The following SPECC1 variants were observed in gnomAD, a reference collection of about 807,000 sequenced individuals.
SPECC1 encodes sperm antigen with calponin homology and coiled-coil domains 1.
In SPECC1, 62 loss-of-function variants were observed where a neutral mutation model predicts 104.1. The observed-to-expected ratio is 0.60, with a 90% CI of 0.49 to 0.74. The LOEUF is 0.74. Among genes scored for constraint, SPECC1 ranks in the 30% least tolerant of loss-of-function variants. The pLI is 0.00. For missense variants in SPECC1, 1,306 were observed against 1,310.5 expected, an observed-to-expected ratio of 1.00 and a Z score of 0.05; for synonymous variants, 513 against 501.6, an observed-to-expected ratio of 1.02 and a Z score of -0.30.
intron 13 of SPECC1, 60 bp downstream of exon 13, chr17:20,297,137 A>G: frequency 2.7e-6 from 4 of 1,457,270 alleles, no homozygotes; most frequent in Non-Finnish European, 3.8e-6. Context: ...CCTAATTGAT[A>G]AACCCCACTG....
chr17:20,055,906 C>T (rs2045945884), intron 1 of SPECC1, among the ~76,000 whole-genome samples: 2 of 152,236 alleles, frequency 1.3e-5, no homozygotes, highest in African/African-American at 4.8e-5. Context: ...CTGGAGCATG[C>T]ACCTTGGGAA....
intron 4 of SPECC1, among the ~76,000 whole-genome samples, chr17:20,216,962 A>G (rs937344520): frequency 2.6e-5 from 4 of 151,924 alleles, no homozygotes; most frequent in African/African-American, 9.7e-5. Flanking sequence ...AGTTCAGCCT[A>G]AGCAACATAG....
chr17:20,107,450 CTTTTCTT>C (rs1186993317), intron 2 of SPECC1, among the ~76,000 whole-genome samples: 6 of 146,758 alleles, frequency 4.1e-5, no homozygotes, highest in East Asian at 2.0e-4. Context: ...CTCTTCTTTT[CTTTTCTT>C]TTTTCTTTTT....
chr17:20,163,746 A>G (rs2033388759), intron 3 of SPECC1, among the ~76,000 whole-genome samples: 1 of 152,036 alleles, frequency 6.6e-6, no homozygotes, highest in East Asian at 1.9e-4. Context: ...TTTTTTATAG[A>G]GACGGGGTCT....
chr17:20,273,881 G>GT (rs1598121828), intron 12 of SPECC1, among the ~76,000 whole-genome samples: 1 of 151,998 alleles, frequency 6.6e-6, no homozygotes, highest in East Asian at 1.9e-4. Flanking sequence ...CTTTTTCCTT[G>GT]TCTGTTAATG....
chr17:20,161,829 C>G (rs2033183111), intron 3 of SPECC1, among the ~76,000 whole-genome samples: 2 of 140,700 alleles, frequency 1.4e-5, no homozygotes, highest in South Asian at 4.4e-4. Context: ...GAGTCTCATT[C>G]TGTTGCCTAG....
At chr17:20,286,928 G>A (rs2040968140) in intron 12 of SPECC1, among the ~76,000 whole-genome samples, 1 of 152,196 alleles carries the variant, frequency 6.6e-6, no homozygotes, top group Non-Finnish European at 1.5e-5. Context: ...CAGGGCCCAG[G>A]CTGCAGGAGC....
At chr17:20,227,846 C>T (rs2038322060) in intron 5 of SPECC1, among the ~76,000 whole-genome samples, 1 of 152,048 alleles carries the variant, frequency 6.6e-6, no homozygotes, top group Non-Finnish European at 1.5e-5. Context: ...ACGCAGGAGG[C>T]GGAGGTTGCA....
Position 20,260,294 on chromosome 17 carries a change from G to T in SPECC1, c.2940G>T (p.Ala980=). The T allele has an allele frequency of 1.2e-6, 2 of 1,613,326 alleles. No homozygotes were observed. The highest frequency in any genetic ancestry group is 1.1e-5 in the South Asian group (1 of 90,984). Reference sequence around the variant, plus strand: ...GCCAGAAGAAGACACAAGGTTATGCGGTAAGGGACAACATCAGCCAACTTC... The same window carrying T: ...GCCAGAAGAAGACACAAGGTTATGCTGTAAGGGACAACATCAGCCAACTTC... The part of the protein sequence containing the change: ...KWCQKKTQGY[A]NIDITNFSSS... Residue 980 remains alanine (A), a splice_region_variant and synonymous_variant, in exon 12 of 15, where the codon GCG becomes GCT. Transcript: ENST00000395527.
Position 20,314,268 on chromosome 17 carries a change from C to CTGT in SPECC1, c.*204_*206dup. 1.7e-6 allele frequency: 1 copy of CTGT among 595,420 alleles called. No homozygotes were observed. Among genetic ancestry groups the CTGT allele is most frequent in the South Asian group, 1.9e-5 (1 of 52,692 alleles). The allele number at this position is 595,420 out of a possible 1,614,324, so 36.9% of individuals were successfully genotyped here. Reference sequence around the variant, plus strand: ...TGTCTGAAATGCAAATGCAGCTGGACTGTAAATTGGGGACTCTTTGATCTC... The same window carrying CTGT: ...TGTCTGAAATGCAAATGCAGCTGGACTGTTGTAAATTGGGGACTCTTTGATCTC... On this transcript the variant is annotated 3_prime_UTR_variant, in exon 15 of 15. Transcript: ENST00000395527.
At chr17:20,257,657 C>G (rs1471063478) in intron 11 of SPECC1, 50 bp downstream of exon 11, 1 of 1,594,968 alleles carries the variant, frequency 6.3e-7, no homozygotes, top group East Asian at 2.2e-5. Context: ...GGCTAATCAC[C>G]TTTTATTCTT....
intron 9 of SPECC1, among the ~76,000 whole-genome samples, chr17:20,249,331 T>A (rs994196914): frequency 6.6e-6 from 1 of 152,118 alleles, no homozygotes; most frequent in Non-Finnish European, 1.5e-5. Flanking sequence ...GGCAGGAGAA[T>A]CACTTGAACT....
At chr17:20,253,074 A>G (rs565564894) in intron 9 of SPECC1, among the ~76,000 whole-genome samples, 3 of 151,996 alleles carry the variant, frequency 2.0e-5, no homozygotes, top group Admixed American at 6.5e-5. Context: ...TTCCTAATAA[A>G]TGTGAGGTGG....
At chr17:20,134,480 T>C (rs1236877379) in intron 3 of SPECC1, among the ~76,000 whole-genome samples, 1 of 151,954 alleles carries the variant, frequency 6.6e-6, no homozygotes, top group Admixed American at 6.6e-5. Context: ...GAAAAAAAAT[T>C]GGGCACAGGA....
At position 20,077,859 on chromosome 17, in the gene SPECC1, G is replaced by C. The variant is rs544511050; in HGVS notation, c.-21-18772G>C. On this transcript the variant is annotated intron_variant, in intron 1 of 14. Transcript: ENST00000395527. ...GTTAAGCCCATAGGCACTGGAGGCA[G>C]ATTGCTCAGCCTTAACTTCTCTGTC... Among the ~76,000 whole-genome samples the C allele has an allele frequency of 2.0e-5, 3 of 152,188 alleles. No homozygotes were observed. The South Asian group carries it at 6.2e-4, about 32-fold the overall frequency.
At chr17:20,016,754 A>G (rs1230532187) in intron 1 of SPECC1, among the ~76,000 whole-genome samples, 1 of 151,736 alleles carries the variant, frequency 6.6e-6, no homozygotes, top group Non-Finnish European at 1.5e-5. Context: ...TGACAGCACC[A>G]CCCCCTGCTC....
intron 3 of SPECC1, among the ~76,000 whole-genome samples, chr17:20,127,647 A>T (rs1812934): frequency 0.3 from 44,996 of 152,026 alleles, 8,360 homozygotes; most frequent in Middle Eastern, 0.41. Flanking sequence ...AAGAGGAAAA[A>T]TTTTTGCATT....
chr17:20,209,892 A>G (rs1412069281), intron 4 of SPECC1, among the ~76,000 whole-genome samples: 2 of 152,240 alleles, frequency 1.3e-5, no homozygotes, highest in Non-Finnish European at 2.9e-5. Context: ...TTTAAAAGAA[A>G]ATTATCTATT....
rs1276684691 is a variant in SPECC1, at chr17:20,315,638, C to T, written c.*1573C>T. The T allele has an allele frequency of 1.3e-5, 3 of 232,298 alleles. No homozygotes were observed. Among genetic ancestry groups the T allele is most frequent in the Non-Finnish European group, 2.5e-5 (3 of 117,666 alleles). The allele number at this position is 232,298 out of a possible 1,614,324, so 14.4% of individuals were successfully genotyped here. A position where few individuals can be genotyped will look rare whatever the true frequency, so the allele number is the denominator to read the frequency against. On this transcript the variant is annotated 3_prime_UTR_variant, in exon 15 of 15. Coordinates refer to ENST00000395527, the MANE Select transcript of SPECC1 (RefSeq NM_001243439.2). ...GTACATCTCTGATTGCTGATCTGAG[C>T]CACTGGTTCAGAGCCAGGTTCTAGA...
Sources: allele counts gnomAD v4.1 joint callset (sites outside exome capture counted in the v4.1 genomes callset), GRCh38; gene constraint gnomAD v4.1.1; transcripts MANE v1.5; gene names NCBI Gene and HGNC (gene_info 2026-07-23, HGNC 2026-07-21).